RASAL2: variants seen among roughly 807,000 people sequenced by gnomAD.
RASAL2 encodes the protein RAS protein activator like 2.
In RASAL2, 58 loss-of-function variants were observed where a neutral mutation model predicts 128.9. The ratio of observed to expected loss-of-function variants is 0.45; its 90% CI spans 0.36 to 0.56. The LOEUF (loss-of-function observed/expected upper bound fraction) is 0.56, where lower values mean the gene tolerates loss of function less well. Ranked by LOEUF, RASAL2 falls within the 20% of genes least tolerant of loss-of-function variation. RASAL2 has a pLI of 0.00. For synonymous variants in RASAL2, 561 were observed against 580.8 expected, an observed-to-expected ratio of 0.97 and a Z score of 0.49; for missense variants, 1,360 against 1,601.6, an observed-to-expected ratio of 0.85 and a Z score of 2.57.
chr1:178,445,696 T>G, intron 9 of RASAL2, 34 bp downstream of exon 9: 2 of 1,577,104 alleles, frequency 1.3e-6, no homozygotes, highest in African/African-American at 2.7e-5. Flanking sequence ...TTTCTTTTAT[T>G]TACTTTTCAG....
intron 4 of RASAL2, among the ~76,000 whole-genome samples, chr1:178,417,017 A>G (rs1290245784): frequency 6.8e-6 from 1 of 146,612 alleles, no homozygotes. Context: ...TGGTATTCTC[A>G]GTATTCTCTG....
Position 178,423,650 on chromosome 1 carries a change from G to A in RASAL2, c.674+3030G>A, listed in dbSNP as rs1036580797. Among the ~76,000 whole-genome samples, 13 of 152,172 alleles carry A rather than the reference G, an allele frequency of 8.5e-5. No homozygotes were observed. In the East Asian group the frequency reaches 2.1e-3, roughly 25 times the overall value. On this transcript the variant is annotated intron_variant, in intron 5 of 17. Transcript: ENST00000367649. ...TGAGAGAACTGAGGTTCAAACCCAG[G>A]AAGATTGGCTTTAGAGTCTGTATTT... is the stretch of plus-strand genomic sequence containing the variant.
intron 1 of RASAL2, among the ~76,000 whole-genome samples, chr1:178,121,569 T>G (rs1044798317): frequency 1.3e-5 from 2 of 151,900 alleles, no homozygotes; most frequent in South Asian, 4.2e-4. Flanking sequence ...CACTGCAACC[T>G]CCATCTCCCG....
chr1:178,156,005 T>C (rs1661072146), intron 1 of RASAL2, among the ~76,000 whole-genome samples: 1 of 152,220 alleles, frequency 6.6e-6, no homozygotes, highest in Non-Finnish European at 1.5e-5. Context: ...CCTTGTTTAA[T>C]GATTACTAGG....
chr1:178,390,106 C>G lies in RASAL2; in HGVS notation c.464C>G (p.Pro155Arg), dbSNP rs1248400689. Residue 155 changes from proline to arginine, a missense_variant, in exon 4 of 18, where the codon CCA (proline) becomes CGA (arginine). By Grantham distance (103) the Pro-to-Arg change is moderately radical. Transcript: ENST00000367649. Reference sequence around the variant, plus strand: ...CTTTCCTCCTTTTTTCCAGAGGTACCAGCAGAAAGGTCCCCTCGTAGACGG... The same window carrying G: ...CTTTCCTCCTTTTTTCCAGAGGTACGAGCAGAAAGGTCCCCTCGTAGACGG... ...PPEGATKLEV[P>R]AERSPRRRSI... is the part of the protein sequence containing the mutation. 1.9e-6 allele frequency: 3 copies of G among 1,600,152 alleles called. No individual in the cohort carries two copies. In the Admixed American group the frequency reaches 5.3e-5, roughly 28 times the overall value.
intron 1 of RASAL2, among the ~76,000 whole-genome samples, chr1:178,175,689 C>A (rs1279361657): frequency 6.6e-6 from 1 of 151,188 alleles, no homozygotes; most frequent in Non-Finnish European, 1.5e-5. Context: ...TGTCTCTCAC[C>A]CCACTCCCAA....
intron 1 of RASAL2, among the ~76,000 whole-genome samples, chr1:178,255,828 T>G (rs1406149095): frequency 6.6e-6 from 1 of 152,068 alleles, no homozygotes; most frequent in Admixed American, 6.5e-5. Context: ...AAATAGTAGA[T>G]ATAAATTCAG....
intron 4 of RASAL2, among the ~76,000 whole-genome samples, chr1:178,408,367 G>C (rs1674122322): frequency 6.6e-6 from 1 of 152,060 alleles, no homozygotes; most frequent in Non-Finnish European, 1.5e-5. Context: ...CTGTGAAAGA[G>C]AAAAAAGCAT....
chr1:178,220,544 G>A (rs911381896), intron 1 of RASAL2, among the ~76,000 whole-genome samples: 1 of 152,220 alleles, frequency 6.6e-6, no homozygotes, highest in Non-Finnish European at 1.5e-5. Context: ...GCGAGCACAT[G>A]CTGCTGGAAG....
chr1:178,351,687 C>T (rs1670514472), intron 3 of RASAL2, among the ~76,000 whole-genome samples: 1 of 150,646 alleles, frequency 6.6e-6, no homozygotes, highest in Non-Finnish European at 1.5e-5. Context: ...CAAGATTGTG[C>T]CACTGCACTC....
At chr1:178,439,358 C>A in intron 5 of RASAL2, 64 bp from the exon 6 acceptor site, 1 of 1,423,586 alleles carries the variant, frequency 7.0e-7, no homozygotes, top group Non-Finnish European at 9.6e-7. Flanking sequence ...TCCTCCATTG[C>A]ATTAGACCTT....
At chr1:178,327,844 A>C (rs910407884) in intron 3 of RASAL2, among the ~76,000 whole-genome samples, 5 of 152,188 alleles carry the variant, frequency 3.3e-5, no homozygotes, top group African/African-American at 1.2e-4. Context: ...TCCAATGACA[A>C]ATTTCCTCAT....
chr1:178,423,356 A>G (rs1572047530), intron 5 of RASAL2, among the ~76,000 whole-genome samples: 1 of 152,120 alleles, frequency 6.6e-6, no homozygotes, highest in East Asian at 1.9e-4. Flanking sequence ...ATTTTCCTTC[A>G]AAAAAGGACC....
At chr1:178,245,587 A>G (rs541245580) in intron 1 of RASAL2, among the ~76,000 whole-genome samples, 3 of 152,032 alleles carry the variant, frequency 2.0e-5, no homozygotes, top group African/African-American at 7.2e-5. Flanking sequence ...ATTAGATCCC[A>G]TTTGTCAGTT....
chr1:178,445,769 A>C (rs1002949465), intron 9 of RASAL2, 107 bp downstream of exon 9: 3 of 1,188,742 alleles, frequency 2.5e-6, no homozygotes, highest in Non-Finnish European at 3.5e-6. Flanking sequence ...ATTTAGTTCT[A>C]GCTGACTCAG....
At chr1:178,207,697 C>G (rs1393796585) in intron 1 of RASAL2, among the ~76,000 whole-genome samples, 1 of 152,062 alleles carries the variant, frequency 6.6e-6, no homozygotes, top group Admixed American at 6.5e-5. Context: ...TAACTTATAT[C>G]ATACAGCTTA....
chr1:178,397,131 A>G (rs1006746252), intron 4 of RASAL2, among the ~76,000 whole-genome samples: 1 of 152,198 alleles, frequency 6.6e-6, no homozygotes, highest in African/African-American at 2.4e-5. Context: ...TTAGGAATAT[A>G]CACAAGAAAA....
rs76740375 is a variant in RASAL2, at chr1:178,264,187, G to A, written c.203-19377G>A. Among the ~76,000 whole-genome samples, 179 of 152,216 alleles carry A rather than the reference G, an allele frequency of 1.2e-3. 3 individuals are homozygous for A. In the East Asian group the frequency reaches 0.032, roughly 27 times the overall value. ...CATAGTTAAAAAGTCAGTTCTGCGAGGATTTAAATGAAAATGATCATTCAC... is the reference window on the plus strand; with the variant it reads ...CATAGTTAAAAAGTCAGTTCTGCGAAGATTTAAATGAAAATGATCATTCAC... On this transcript the variant is annotated intron_variant, in intron 1 of 17. Transcript: ENST00000367649.
intron 1 of RASAL2, among the ~76,000 whole-genome samples, chr1:178,241,375 T>G (rs1478280404): frequency 6.6e-6 from 1 of 152,216 alleles, no homozygotes; most frequent in Non-Finnish European, 1.5e-5. Flanking sequence ...TCAATCTCTT[T>G]CACGTGTGTT....
Sources: allele counts gnomAD v4.1 joint callset (sites outside exome capture counted in the v4.1 genomes callset), GRCh38; gene constraint gnomAD v4.1.1; transcripts MANE v1.5; gene names NCBI Gene and HGNC (gene_info 2026-07-23, HGNC 2026-07-21).